The following SUSD4 variants were observed in gnomAD, a reference collection of about 807,000 sequenced individuals.
SUSD4 encodes sushi domain-containing protein 4.
A neutral mutation model predicts 50.5 loss-of-function variants in SUSD4; 41 were observed. The ratio of observed to expected loss-of-function variants is 0.81; its 90% CI spans 0.63 to 1.05. The LOEUF (loss-of-function observed/expected upper bound fraction) is 1.05, where lower values mean the gene tolerates loss of function less well. Among genes scored for constraint, SUSD4 ranks in the 50% least tolerant of loss-of-function variants. The probability of loss-of-function intolerance (pLI) is 0.00; values close to 1 mark genes in which losing one functional copy is unlikely to be tolerated. For synonymous variants in SUSD4, 257 were observed against 257.3 expected, an observed-to-expected ratio of 1.00 and a Z score of 0.01; for missense variants, 580 against 634.7, an observed-to-expected ratio of 0.91 and a Z score of 0.93.
intron 5 of SUSD4, among the ~76,000 whole-genome samples, chr1:223,262,957 C>T (rs893319148): frequency 2.0e-5 from 3 of 152,226 alleles, no homozygotes; most frequent in African/African-American, 7.2e-5. Flanking sequence ...TCTCGGCTCC[C>T]TGTTTTTAAC....
chr1:223,338,861 G>A (rs1667598415), intron 2 of SUSD4, among the ~76,000 whole-genome samples: 1 of 152,190 alleles, frequency 6.6e-6, no homozygotes, highest in African/African-American at 2.4e-5. Context: ...GAACAACTCA[G>A]AGATGTCCAG....
chr1:223,365,225 C>T (rs1669247398), upstream of SUSD4, among the ~76,000 whole-genome samples: 3 of 143,904 alleles, frequency 2.1e-5, no homozygotes, highest in Admixed American at 1.4e-4. Context: ...ATTCTGGTGT[C>T]GGAGCTCAGC....
At chr1:223,341,899 G>A (rs1463041071) in intron 2 of SUSD4, among the ~76,000 whole-genome samples, 5 of 151,910 alleles carry the variant, frequency 3.3e-5, no homozygotes, top group Admixed American at 6.6e-5. Flanking sequence ...CCCCATCTGC[G>A]CCAAGTTAAG....
chr1:223,321,679 C>T (rs1428148379), intron 2 of SUSD4, among the ~76,000 whole-genome samples: 1 of 152,120 alleles, frequency 6.6e-6, no homozygotes, highest in African/African-American at 2.4e-5. Flanking sequence ...TCTTTTTGAA[C>T]CATGGATGCC....
chr1:223,300,969 T>C (rs1446098427), intron 2 of SUSD4, among the ~76,000 whole-genome samples: 1 of 152,206 alleles, frequency 6.6e-6, no homozygotes, highest in Non-Finnish European at 1.5e-5. Flanking sequence ...AAGCAATCTT[T>C]GGGGTTATTC....
chr1:223,324,143 C>T (rs1328905935), intron 2 of SUSD4, among the ~76,000 whole-genome samples: 4 of 147,166 alleles, frequency 2.7e-5, no homozygotes, highest in Non-Finnish European at 6.0e-5. Flanking sequence ...ATTGTAATTC[C>T]AGTATCTAGT....
At chr1:223,281,783 A>C (rs1006290386) in intron 3 of SUSD4, among the ~76,000 whole-genome samples, 124 of 152,204 alleles carry the variant, frequency 8.1e-4, no homozygotes, top group Middle Eastern at 3.4e-3. Context: ...GAGACACAAC[A>C]AAAAAAGAGA....
Position 223,229,335 on chromosome 1 carries a change from G to T in SUSD4, c.778C>A (p.Pro260Thr), listed in dbSNP as rs1208162582. ...GTTCCGTGGTTGTAGCGCTCACAAG[G>T]CCGCGGGTGGCAGACGAAATCTCCG... ...SHGDFVCHPR[P>T]CERYNHGTVV... Residue 260 changes from proline to threonine, a missense_variant, in exon 6 of 9, where the codon CCT becomes ACT. Physicochemically the swap from Pro to Thr is conservative, Grantham distance 38. Transcript: ENST00000366878. The surrounding 1 kb of genome is among the most constrained non-coding windows in gnomAD (Gnocchi z 4.7). 3.1e-6 allele frequency: 5 copies of T among 1,607,954 alleles called. No individual in the cohort carries two copies. The highest frequency in any genetic ancestry group is 1.1e-5 in the South Asian group (1 of 90,916).
intron 5 of SUSD4, among the ~76,000 whole-genome samples, chr1:223,244,630 C>T (rs1660797482): frequency 6.6e-6 from 1 of 152,108 alleles, no homozygotes; most frequent in Non-Finnish European, 1.5e-5. Context: ...AGATTGGATT[C>T]TACCACTGAG....
intron 5 of SUSD4, among the ~76,000 whole-genome samples, chr1:223,261,717 C>T (rs973841015): frequency 6.6e-6 from 1 of 152,184 alleles, no homozygotes; most frequent in Non-Finnish European, 1.5e-5. Flanking sequence ...TCACAGTGTA[C>T]ATGTCTAAAA....
intron 2 of SUSD4, among the ~76,000 whole-genome samples, chr1:223,349,738 G>A (rs765618218): frequency 2.2e-4 from 34 of 152,134 alleles, no homozygotes; most frequent in African/African-American, 6.5e-4. Flanking sequence ...ACTGAGCTCC[G>A]GCATCATCTC....
intron 2 of SUSD4, among the ~76,000 whole-genome samples, chr1:223,344,642 T>TG (rs1338115897): frequency 6.6e-6 from 1 of 152,062 alleles, no homozygotes; most frequent in Non-Finnish European, 1.5e-5. Context: ...CTGGTCACAG[T>TG]GAGACTCAAA....
intron 3 of SUSD4, among the ~76,000 whole-genome samples, chr1:223,278,463 G>A (rs772986109): frequency 2.6e-5 from 4 of 152,156 alleles, no homozygotes; most frequent in African/African-American, 9.7e-5. Flanking sequence ...AGCCTTGCTC[G>A]TTGCTAGCAC....
chr1:223,250,891 G>C (rs1355326568), intron 5 of SUSD4, among the ~76,000 whole-genome samples: 1 of 152,178 alleles, frequency 6.6e-6, no homozygotes, highest in East Asian at 1.9e-4. Context: ...AAGATTCGAA[G>C]ACAGCCCTTT....
chr1:223,322,498 A>T (rs1304426554), intron 2 of SUSD4, among the ~76,000 whole-genome samples: 1 of 152,212 alleles, frequency 6.6e-6, no homozygotes, highest in Non-Finnish European at 1.5e-5. Flanking sequence ...CAGGTGCTAC[A>T]AAACAGACAA....
intron 2 of SUSD4, among the ~76,000 whole-genome samples, chr1:223,343,719 T>C (rs1267694809): frequency 6.6e-6 from 1 of 152,174 alleles, no homozygotes; most frequent in Admixed American, 6.5e-5. Flanking sequence ...AATTCAACAA[T>C]GAATATGCAT....
intron 5 of SUSD4, chr1:223,264,402 C>A (rs1478819085): frequency 8.0e-7 from 1 of 1,242,332 alleles, no homozygotes; most frequent in African/African-American, 1.5e-5. Context: ...GCAACTTTTT[C>A]TTTTATCTGC....
chr1:223,364,361 G>C (rs1349057541), upstream of SUSD4, among the ~76,000 whole-genome samples: 1 of 147,370 alleles, frequency 6.8e-6, no homozygotes, highest in Admixed American at 6.7e-5. This position sits in a 1 kb window ranked among gnomAD's most constrained non-coding sequence, Gnocchi z 4.5. Context: ...GGGTGGGGAC[G>C]GGGTGAGTGG....
At chr1:223,331,780 T>C (rs1363880520) in intron 2 of SUSD4, among the ~76,000 whole-genome samples, 11 of 152,176 alleles carry the variant, frequency 7.2e-5, no homozygotes, top group Admixed American at 7.2e-4. Context: ...GGCTCAAGGC[T>C]GCACCCCAGC....
Sources: gnomAD v4.1 joint callset for allele counts (sites outside exome capture counted in the v4.1 genomes callset) on GRCh38, gnomAD v4.1.1 for gene constraint, Gnocchi (gnomAD v3.1) non-coding constraint, MANE v1.5 for transcripts, NCBI Gene and HGNC (gene_info 2026-07-23, HGNC 2026-07-21) for gene names.